The following VWA5A variants were observed in gnomAD, a reference collection of about 807,000 sequenced individuals.
VWA5A encodes von Willebrand factor A domain-containing protein 5A.
In VWA5A, 77 loss-of-function variants were observed where a neutral mutation model predicts 84.6. That is an observed-to-expected ratio of 0.91 (90% CI 0.76 to 1.10). The LOEUF is 1.10. Ranked by LOEUF, VWA5A falls within the 50% of genes least tolerant of loss-of-function variation. The pLI is 0.00. For missense variants in VWA5A, 973 were observed against 963.0 expected (o/e 1.01, Z -0.14); for synonymous variants, 334 against 350.1 (o/e 0.95, Z 0.51).
In VWA5A at chr11:124,137,154, A is replaced by G. The variant is rs748145996; in HGVS notation, c.1765A>G (p.Ile589Val). ...SGVISSFTAFIAINKELNKPV... is the reference protein window; with the variant it reads ...SGVISSFTAFVAINKELNKPV... ...TGTCATAAGCTCCTTCACAGCTTTC[A>G]TTGCTATCAATAAGGAGCTCAACAA... The change falls in exon 15 of 19, where the codon ATT becomes GTT. Residue 589 changes from isoleucine to valine, a missense_variant. Ile to Val is a conservative substitution (Grantham distance 29). Coordinates refer to ENST00000456829, the MANE Select transcript of VWA5A (RefSeq NM_001130142.2). 3.1e-6 allele frequency: 5 copies of G among 1,614,064 alleles called. No individual in the cohort carries two copies. In the East Asian group the frequency reaches 1.1e-4, roughly 36 times the overall value.
At position 124,116,779 on chromosome 11, in the gene VWA5A, G is replaced by T. The variant is rs918870024; in HGVS notation, c.-16+99G>T. ...TTTATTGGTGCTGTTTAGTGGGGGT[G>T]CAAATGTAGGCTATGTGCCTATATA... On this transcript the variant is annotated intron_variant, in intron 2 of 18. Coordinates refer to ENST00000456829, the MANE Select transcript of VWA5A (RefSeq NM_001130142.2). The T allele has an allele frequency of 2.0e-5, 3 of 152,300 alleles. No homozygotes were observed. The Middle Eastern group carries it at 0.01, about 518-fold the overall frequency. 9.4% of individuals were successfully genotyped at this position (152,300 alleles called of 1,614,324 possible). A position where few individuals can be genotyped will look rare whatever the true frequency, so the allele number is the denominator to read the frequency against.
At chr11:124,129,740 A>G (rs1865070716) in intron 11 of VWA5A, among the ~76,000 whole-genome samples, 1 of 151,924 alleles carries the variant, frequency 6.6e-6, no homozygotes, top group Admixed American at 6.6e-5. Flanking sequence ...GAATTTATCC[A>G]TTTCTTCTAG....
At chr11:124,132,484 T>C (rs1865111242) in intron 11 of VWA5A, among the ~76,000 whole-genome samples, 1 of 152,116 alleles carries the variant, frequency 6.6e-6, no homozygotes, top group South Asian at 2.1e-4. Context: ...TCATATTTTA[T>C]GTGTTCTTAT....
chr11:124,147,558 G>C lies in VWA5A; in HGVS notation c.*1613G>C, dbSNP rs1011367714. ...TTGTTTATGCTGAATGTGATCTGCG[G>C]AACAGGGTTGTTAGAAATGCAGCTT... On this transcript the variant is annotated 3_prime_UTR_variant, in exon 19 of 19. Transcript: ENST00000456829. 1 of 152,174 alleles carries C rather than the reference G, an allele frequency of 6.6e-6. No homozygotes were observed. The highest frequency in any genetic ancestry group is 1.5e-5 in the Non-Finnish European group (1 of 68,034). 9.4% of individuals were successfully genotyped at this position (152,174 alleles called of 1,614,324 possible).
rs967034845 is a variant in VWA5A at position 124,117,797 on chromosome 11, T to C, written c.168T>C (p.Asp56=). 1.2e-6 allele frequency: 2 copies of C among 1,614,226 alleles called. No individual in the cohort carries two copies. Among genetic ancestry groups the C allele is most frequent in the Non-Finnish European group, 1.7e-6 (2 of 1,180,034 alleles). The change falls in exon 4 of 19, where the codon GAT becomes GAC. Residue 56 remains aspartate, a synonymous_variant. Coordinates refer to ENST00000456829, the MANE Select transcript of VWA5A (RefSeq NM_001130142.2). ...PLEAFFVFPM[D]EDSAVYSFEA... is the part of the protein sequence containing the mutation. ...AGGCCTTCTTTGTGTTCCCCATGGA[T>C]GAAGACTCTGCTGTTTACAGCTTTG...
In VWA5A at chr11:124,118,381, G is replaced by C; in HGVS notation, c.439G>C (p.Ala147Pro). 6.2e-7 allele frequency: 1 copy of C among 1,614,236 alleles called. No homozygotes were observed. The highest frequency in any genetic ancestry group is 1.1e-5 in the South Asian group (1 of 91,088). Residue 147 changes from alanine (A) to proline (P), a missense_variant, in exon 5 of 19, where the codon GCT (alanine) becomes CCT (proline). By Grantham distance (27) the Ala-to-Pro change is conservative (BLOSUM62 -1). Transcript: ENST00000456829. ...TGGGGCTCTGCGCTTTGTGCTCCCA[G>C]CTGTCCTGAATCCTAGATACCAGTT... ...ADGALRFVLP[A>P]VLNPRYQFSG...
chr11:124,129,176 A>C (rs981255762), intron 11 of VWA5A, among the ~76,000 whole-genome samples: 1 of 152,156 alleles, frequency 6.6e-6, no homozygotes, highest in Non-Finnish European at 1.5e-5. Flanking sequence ...GTTTATTGAG[A>C]GTTCTTAGCA....
rs1865181015 is a variant in VWA5A at position 124,136,249 on chromosome 11, G to A, written c.1480G>A (p.Gly494Ser). 6.2e-7 allele frequency: 1 copy of A among 1,613,942 alleles called. No homozygotes were observed. Among genetic ancestry groups the A allele is most frequent in the Non-Finnish European group, 8.5e-7 (1 of 1,180,010 alleles). The change falls in exon 13 of 19, where the codon GGT becomes AGT. Residue 494 changes from glycine (G) to serine (S), a missense_variant. By Grantham distance (56) the Gly-to-Ser change is moderately conservative. Coordinates refer to ENST00000456829, the MANE Select transcript of VWA5A (RefSeq NM_001130142.2). The stretch of plus-strand genomic sequence containing the variant: ...CCCAGAACAGACTGTCATCTTTAGG[G>A]GTCAGAGATTAATCAGCTATGCCCA... ...LSPEQTVIFR[G>S]QRLISYAQLT...
chr11:124,135,522 CTTTTTTT>C lies in VWA5A; in HGVS notation c.1359+506_1359+512del, dbSNP rs60188800. ...GGAGAAGACCCCTCTGGTGGTATTT[CTTTTTTT>C]TTTTTTTTTTTTTTTTTCTGAGACG... On this transcript the variant is annotated intron_variant, in intron 12 of 18. Transcript: ENST00000456829. 6.9e-3 allele frequency among the ~76,000 whole-genome samples: 584 copies of C among 84,354 alleles called. 6 individuals carry two copies. The highest frequency in any genetic ancestry group is 0.025 in the African/African-American group (531 of 21,036). 55.3% of individuals were successfully genotyped at this position (84,354 alleles called of 152,430 possible).
chr11:124,136,102 T>C (rs1865177206), intron 12 of VWA5A, 27 bp from the exon 13 acceptor site: 1 of 1,607,882 alleles, frequency 6.2e-7, no homozygotes, highest in South Asian at 1.1e-5. Context: ...ATCATTTGTG[T>C]TTATTCTGTT....
In VWA5A at chr11:124,119,049, C is replaced by CA; in HGVS notation, c.721dup (p.Ser241LysfsTer10). ...TTTACTACAATGAGGTGCATACCCC[C>CA]AGCGTGGTTTTGGAGATGGGGATGC... On this transcript the variant is annotated frameshift_variant, in exon 7 of 19. Coordinates refer to ENST00000456829, the MANE Select transcript of VWA5A (RefSeq NM_001130142.2). LOFTEE classifies it high-confidence loss of function. The CA allele has an allele frequency of 6.2e-7, 1 of 1,614,218 alleles. No homozygotes were observed. Among genetic ancestry groups the CA allele is most frequent in the Non-Finnish European group, 8.5e-7 (1 of 1,180,042 alleles).
At position 124,118,245 on chromosome 11, in the gene VWA5A, G is replaced by A. The variant is rs762398234; in HGVS notation, c.303G>A (p.Glu101=). ...ISQGHQAFLL[E]GDSSSRDVFS... ...AGGGCCACCAGGCCTTCTTATTGGA[G>A]GGGGACAGCAGCTCCAGGGATGTCT... The change falls in exon 5 of 19, where the codon GAG becomes GAA. Residue 101 remains glutamate, a synonymous_variant. Coordinates refer to ENST00000456829, the MANE Select transcript of VWA5A (RefSeq NM_001130142.2). 20 of 1,614,176 alleles carry A rather than the reference G, an allele frequency of 1.2e-5. No homozygotes were observed. The highest frequency in any genetic ancestry group is 1.7e-4 in the Middle Eastern group (1 of 6,060).
At chr11:124,120,216 C>G (rs748001434) in intron 7 of VWA5A, among the ~76,000 whole-genome samples, 1 of 152,060 alleles carries the variant, frequency 6.6e-6, no homozygotes, top group Non-Finnish European at 1.5e-5. Flanking sequence ...ATGTTTATTA[C>G]TTTTGAAATT....
At chr11:124,135,819 C>G (rs1035621983) in intron 12 of VWA5A, among the ~76,000 whole-genome samples, 1 of 151,830 alleles carries the variant, frequency 6.6e-6, no homozygotes, top group African/African-American at 2.4e-5. Flanking sequence ...CGTGAGCCAC[C>G]GCGCCCGGCC....
At chr11:124,143,102 T>G (rs1016254882) in intron 17 of VWA5A, among the ~76,000 whole-genome samples, 1 of 152,142 alleles carries the variant, frequency 6.6e-6, no homozygotes, top group African/African-American at 2.4e-5. Context: ...CCCCCAATAA[T>G]AACCTCATTA....
intron 11 of VWA5A, among the ~76,000 whole-genome samples, chr11:124,130,961 A>G (rs1865088381): frequency 6.6e-6 from 1 of 152,174 alleles, no homozygotes; most frequent in African/African-American, 2.4e-5. Flanking sequence ...GCAGTGTAGC[A>G]TTCTTCCTCT....
In VWA5A at chr11:124,136,153, C is replaced by G; in HGVS notation, c.1384C>G (p.Leu462Val). 1 of 1,614,196 alleles carries G rather than the reference C, an allele frequency of 6.2e-7. No individual in the cohort carries two copies. The highest frequency in any genetic ancestry group is 1.3e-5 in the African/African-American group (1 of 75,062). Residue 462 changes from leucine (L) to valine (V), a missense_variant, in exon 13 of 19, where the codon CTG becomes GTG. Physicochemically the swap from Leu to Val is conservative, Grantham distance 32. Transcript: ENST00000456829. ...SKALRTLKRS[L>V]QPVVEDVSLS... ...GGCTCTCAGGACTCTGAAACGCTCT[C>G]TGCAGCCTGTGGTAGAGGATGTCTC...
chr11:124,141,118 A>G (rs1022646236), intron 15 of VWA5A, among the ~76,000 whole-genome samples: 1 of 152,198 alleles, frequency 6.6e-6, no homozygotes, highest in Non-Finnish European at 1.5e-5. Flanking sequence ...TACTTTAATG[A>G]ATGATCGGAA....
At chr11:124,124,156 G>C in intron 10 of VWA5A, 81 bp from the exon 11 acceptor site, 1 of 1,342,706 alleles carries the variant, frequency 7.4e-7, no homozygotes, top group Non-Finnish European at 1.0e-6. Flanking sequence ...CAATGAAATA[G>C]GTGGATTTTT....
Sources: allele counts gnomAD v4.1 joint callset (sites outside exome capture counted in the v4.1 genomes callset), GRCh38; gene constraint gnomAD v4.1.1; transcripts MANE v1.5; gene names NCBI Gene and HGNC (gene_info 2026-07-23, HGNC 2026-07-21).